The following ACAD11 variants were observed in gnomAD, a reference collection of about 807,000 sequenced individuals.
ACAD11 encodes the protein acyl-Coenzyme A dehydrogenase family, member 11.
ACAD11 carries 83 observed loss-of-function variants against 102.2 expected under a neutral mutation model. The observed-to-expected ratio is 0.81, with a 90% CI of 0.68 to 0.97. The LOEUF is 0.97. ACAD11 is among the 50% of genes least tolerant of loss of function. The probability of loss-of-function intolerance (pLI) is 0.00; values close to 1 mark genes in which losing one functional copy is unlikely to be tolerated. For missense variants in ACAD11, 901 were observed against 951.7 expected (o/e 0.95, Z 0.70); for synonymous variants, 324 against 319.8 (o/e 1.01, Z -0.14).
chr3:132,580,136 G>A (rs759570293), intron 13 of ACAD11, among the ~76,000 whole-genome samples: 1 of 151,978 alleles, frequency 6.6e-6, no homozygotes, highest in Non-Finnish European at 1.5e-5. Context: ...TCAATTACAA[G>A]GCTGCACACA....
intron 13 of ACAD11, among the ~76,000 whole-genome samples, chr3:132,584,258 A>G (rs1406759233): frequency 2.0e-5 from 3 of 152,146 alleles, no homozygotes; most frequent in Non-Finnish European, 2.9e-5. Flanking sequence ...TCGGGTGCAT[A>G]TATATTTAGG....
At chr3:132,573,792 T>C (rs1482830179) in intron 17 of ACAD11, among the ~76,000 whole-genome samples, 1 of 152,240 alleles carries the variant, frequency 6.6e-6, no homozygotes, top group African/African-American at 2.4e-5. Flanking sequence ...CTAGGTGCTC[T>C]AGGGAACTGC....
At chr3:132,568,942 C>T (rs1010519193) in intron 17 of ACAD11, among the ~76,000 whole-genome samples, 6 of 151,538 alleles carry the variant, frequency 4.0e-5, no homozygotes, top group East Asian at 1.9e-4. Flanking sequence ...ATATAGGATT[C>T]GGCAGAGTTA....
At chr3:132,571,377 T>C (rs1169089646) in intron 17 of ACAD11, among the ~76,000 whole-genome samples, 1 of 151,526 alleles carries the variant, frequency 6.6e-6, no homozygotes, top group African/African-American at 2.4e-5. Context: ...TTGTTTAAGT[T>C]CCTTATAGAT....
intron 4 of ACAD11, among the ~76,000 whole-genome samples, chr3:132,641,668 A>G (rs898331088): frequency 7.1e-6 from 1 of 139,996 alleles, no homozygotes; most frequent in Non-Finnish European, 1.5e-5. Flanking sequence ...AAGAGGAGGA[A>G]GAAGAGGAAG....
intron 12 of ACAD11, among the ~76,000 whole-genome samples, 172 bp from the exon 13 acceptor site, chr3:132,603,499 C>T (rs946571830): frequency 6.6e-6 from 1 of 152,130 alleles, no homozygotes; most frequent in Non-Finnish European, 1.5e-5. Context: ...TAAACGTGCA[C>T]TGAAAGAATG....
intron 2 of ACAD11, among the ~76,000 whole-genome samples, chr3:132,643,935 CAAAT>C (rs1940619817): frequency 6.6e-6 from 1 of 152,088 alleles, no homozygotes; most frequent in African/African-American, 2.4e-5. Context: ...AGAAAAGAGA[CAAAT>C]AAAACTGTTT....
chr3:132,624,602 T>TAA (rs113651845), intron 9 of ACAD11, among the ~76,000 whole-genome samples: 1,888 of 140,644 alleles, frequency 0.013, 40 homozygotes, highest in African/African-American at 0.044. Flanking sequence ...AAGACTCCAT[T>TAA]AAAAAAAAAA....
intron 10 of ACAD11, chr3:132,619,062 C>G (rs933217626): frequency 6.1e-6 from 2 of 329,782 alleles, no homozygotes; most frequent in Non-Finnish European, 1.1e-5. Context: ...ATTACAAAAT[C>G]TCCCACATTT....
intron 4 of ACAD11, among the ~76,000 whole-genome samples, chr3:132,640,393 T>C (rs1251218901): frequency 5.3e-5 from 8 of 152,194 alleles, no homozygotes; most frequent in Non-Finnish European, 1.2e-4. Context: ...CAGCCTACTT[T>C]TCATTTTAAT....
At chr3:132,650,240 G>A (rs902438790) in intron 1 of ACAD11, 5 of 152,348 alleles carry the variant, frequency 3.3e-5, no homozygotes, top group South Asian at 2.1e-4. Context: ...TTACTGAGAA[G>A]GAAGAATTTA....
intron 11 of ACAD11, among the ~76,000 whole-genome samples, chr3:132,611,172 AACG>A (rs1939119714): frequency 6.6e-6 from 1 of 152,168 alleles, no homozygotes; most frequent in Admixed American, 6.5e-5. Context: ...AAAATTCAAC[AACG>A]CTTCATGCTA....
chr3:132,638,823 C>G (rs59559924), intron 5 of ACAD11, among the ~76,000 whole-genome samples: 15,989 of 152,170 alleles, frequency 0.11, 1,404 homozygotes, highest in East Asian at 0.53. Flanking sequence ...ATCAGTGCCA[C>G]TAGCTCTTCC....
At chr3:132,627,299 G>C (rs1248581347) in intron 8 of ACAD11, among the ~76,000 whole-genome samples, 1 of 152,092 alleles carries the variant, frequency 6.6e-6, no homozygotes, top group African/African-American at 2.4e-5. Flanking sequence ...CTTTCTTTTC[G>C]CTTAATAAAT....
chr3:132,584,932 T>C (rs1296252247), intron 13 of ACAD11, among the ~76,000 whole-genome samples: 3 of 152,316 alleles, frequency 2.0e-5, no homozygotes, highest in Non-Finnish European at 4.4e-5. Flanking sequence ...AGGTAATTTA[T>C]AGATTGAATG....
In ACAD11 at chr3:132,575,819, C is replaced by T; in HGVS notation, c.1954G>A (p.Glu652Lys). The T allele has an allele frequency of 3.1e-6, 5 of 1,614,064 alleles. No homozygotes were observed. The highest frequency in any genetic ancestry group is 1.7e-4 in the Middle Eastern group (1 of 6,060). The change falls in exon 17 of 20, where the codon GAG becomes AAG. Residue 652 changes from glutamate to lysine, a missense_variant. By Grantham distance (56) the Glu-to-Lys change is moderately conservative. Coordinates refer to ENST00000264990, the MANE Select transcript of ACAD11 (RefSeq NM_032169.5). ...AAAGCTATCCTTTGTGTTGCCCGCT[C>T]ACACATGATCTGCAAAGCGCGTTCC... Reference protein sequence around the residue: ...LAERALQIMCERATQRIAFKK... With the variant: ...LAERALQIMCKRATQRIAFKK...
chr3:132,587,081 A>G (rs1937873181), intron 13 of ACAD11, among the ~76,000 whole-genome samples: 1 of 152,146 alleles, frequency 6.6e-6, no homozygotes, highest in Admixed American at 6.6e-5. Context: ...CTGGGCAACA[A>G]GAGCAAAACT....
chr3:132,585,076 G>A (rs1390269613), intron 13 of ACAD11, among the ~76,000 whole-genome samples: 1 of 152,056 alleles, frequency 6.6e-6, no homozygotes, highest in Non-Finnish European at 1.5e-5. Context: ...TAGGCATCAC[G>A]CTACCTGACT....
At chr3:132,612,770 T>C (rs1188452759) in intron 11 of ACAD11, among the ~76,000 whole-genome samples, 1 of 152,016 alleles carries the variant, frequency 6.6e-6, no homozygotes, top group Non-Finnish European at 1.5e-5. Context: ...ACTTTTACAC[T>C]GTTGGTGGGA....
Sources: gnomAD v4.1 joint callset for allele counts (sites outside exome capture counted in the v4.1 genomes callset) on GRCh38, gnomAD v4.1.1 for gene constraint, MANE v1.5 for transcripts, NCBI Gene and HGNC (gene_info 2026-07-23, HGNC 2026-07-21) for gene names.